Variants in MAPK4 observed in about 807,000 individuals in gnomAD.
MAPK4 encodes the protein mitogen-activated protein kinase 4.
A neutral mutation model predicts 47.7 loss-of-function variants in MAPK4; 22 were observed. The ratio of observed to expected loss-of-function variants is 0.46; its 90% CI spans 0.33 to 0.66. MAPK4 has a LOEUF of 0.66. Among genes scored for constraint, MAPK4 ranks in the 30% least tolerant of loss-of-function variants. The pLI is 0.02. For synonymous variants in MAPK4, 390 were observed against 365.7 expected, an observed-to-expected ratio of 1.07 and a Z score of -0.76; for missense variants, 736 against 831.7, an observed-to-expected ratio of 0.88 and a Z score of 1.42.
At chr18:50,596,907 C>CTGT (rs2042486886) in intron 1 of MAPK4, among the ~76,000 whole-genome samples, 1 of 152,222 alleles carries the variant, frequency 6.6e-6, no homozygotes, top group Non-Finnish European at 1.5e-5. Flanking sequence ...GCACTCATTA[C>CTGT]TGTTTCAAGT....
intron 2 of MAPK4, among the ~76,000 whole-genome samples, chr18:50,683,810 G>C (rs566241431): frequency 6.6e-6 from 1 of 152,288 alleles, no homozygotes; most frequent in Admixed American, 6.5e-5. Context: ...AACACAGCTG[G>C]ATGTAGGGTG....
rs59462636 is a variant in MAPK4, at chr18:50,658,937, C to A, written c.-870-4152C>A. ...GAGCTAGAGGATGTTCCCACGGAGTCTAGAGCAGAGGTCCACGAACTACAG... is the reference window on the plus strand; with the variant it reads ...GAGCTAGAGGATGTTCCCACGGAGTATAGAGCAGAGGTCCACGAACTACAG... On this transcript the variant is annotated intron_variant, in intron 1 of 5. Coordinates refer to ENST00000400384, the MANE Select transcript of MAPK4 (RefSeq NM_002747.4). Among the ~76,000 whole-genome samples the A allele has an allele frequency of 4.0e-3, 614 of 152,340 alleles. 8 individuals carry two copies. The South Asian group carries it at 0.042, about 10-fold the overall frequency.
In MAPK4 at chr18:50,731,134, T is replaced by C. The variant is rs564749980; in HGVS notation, c.*1280T>C. Reference sequence around the variant, plus strand: ...GGCTCTTAGGGGTCAGGCACCAGCATGGAGACCTCATGACAAAGGAAGGGA... The same window carrying C: ...GGCTCTTAGGGGTCAGGCACCAGCACGGAGACCTCATGACAAAGGAAGGGA... On this transcript the variant is annotated 3_prime_UTR_variant, in exon 6 of 6. Transcript: ENST00000400384. The C allele has an allele frequency of 6.6e-6, 1 of 152,532 alleles. No homozygotes were observed. Among genetic ancestry groups the C allele is most frequent in the East Asian group, 1.9e-4 (1 of 5,186 alleles). 9.4% of individuals were successfully genotyped at this position (152,532 alleles called of 1,614,324 possible). A position where few individuals can be genotyped will look rare whatever the true frequency, so the allele number is the denominator to read the frequency against.
At chr18:50,572,289 A>C (rs1268672393) in intron 1 of MAPK4, among the ~76,000 whole-genome samples, 1 of 152,186 alleles carries the variant, frequency 6.6e-6, no homozygotes. Flanking sequence ...GAATATATCT[A>C]GTAAGTAGTT....
At chr18:50,627,710 G>C (rs567221954) in intron 1 of MAPK4, among the ~76,000 whole-genome samples, 1 of 152,314 alleles carries the variant, frequency 6.6e-6, no homozygotes, top group East Asian at 1.9e-4. Context: ...CAGGACTTGA[G>C]ACAGATCCCT....
intron 1 of MAPK4, among the ~76,000 whole-genome samples, chr18:50,565,825 A>C (rs139361960): frequency 7.9e-5 from 12 of 152,348 alleles, no homozygotes; most frequent in Middle Eastern, 6.8e-3. Flanking sequence ...TATGTAGGCT[A>C]TTCCATCTAG....
At chr18:50,614,431 A>G (rs1266250455) in intron 1 of MAPK4, among the ~76,000 whole-genome samples, 1 of 152,142 alleles carries the variant, frequency 6.6e-6, no homozygotes, top group Admixed American at 6.5e-5. Context: ...CATGAATAAT[A>G]CCAAATTTTA....
intron 2 of MAPK4, among the ~76,000 whole-genome samples, chr18:50,712,549 A>AG (rs1910429667): frequency 6.6e-6 from 1 of 151,404 alleles, no homozygotes; most frequent in Admixed American, 6.6e-5. Flanking sequence ...TTTCATTAAA[A>AG]AAAAAAAAAG....
chr18:50,655,418 G>C (rs1163906636), intron 1 of MAPK4, among the ~76,000 whole-genome samples: 2 of 151,702 alleles, frequency 1.3e-5, no homozygotes, highest in East Asian at 3.9e-4. Flanking sequence ...CAGGCATAGG[G>C]ACTGTAGCCC....
In MAPK4 at chr18:50,615,052, T is replaced by G. The variant is rs555850677; in HGVS notation, c.-870-48037T>G. On this transcript the variant is annotated intron_variant, in intron 1 of 5. Transcript: ENST00000400384. ...CACAGTAGCCTTTTGTTTTGAGGAC[T>G]AGGGCAAGAGATGTGGAGAAATGTT... 5.3e-5 allele frequency among the ~76,000 whole-genome samples: 8 copies of G among 152,302 alleles called. 1 individual carries two copies. In the South Asian group the frequency reaches 1.7e-3, roughly 32 times the overall value.
chr18:50,644,101 G>C (rs1016062492), intron 1 of MAPK4, among the ~76,000 whole-genome samples: 10 of 152,094 alleles, frequency 6.6e-5, no homozygotes, highest in Admixed American at 6.5e-4. Context: ...AGTTGGACTT[G>C]AGTCCAAGAA....
chr18:50,656,078 C>T (rs370807115), intron 1 of MAPK4, among the ~76,000 whole-genome samples: 4 of 152,156 alleles, frequency 2.6e-5, no homozygotes, highest in African/African-American at 9.7e-5. Flanking sequence ...ACCCAGGACC[C>T]CAGACTCAAG....
At chr18:50,693,407 A>G (rs1319270899) in intron 2 of MAPK4, among the ~76,000 whole-genome samples, 2 of 152,176 alleles carry the variant, frequency 1.3e-5, no homozygotes, top group African/African-American at 2.4e-5. Flanking sequence ...GGGACTCAAC[A>G]GGCACACCAA....
intron 1 of MAPK4, among the ~76,000 whole-genome samples, chr18:50,649,756 A>T (rs1399269901): frequency 6.6e-6 from 1 of 152,122 alleles, no homozygotes; most frequent in Non-Finnish European, 1.5e-5. Context: ...GGTGGCTGAG[A>T]TCTTCCCCAG....
chr18:50,620,053 G>C (rs1395237242), intron 1 of MAPK4, among the ~76,000 whole-genome samples: 4 of 152,228 alleles, frequency 2.6e-5, no homozygotes, highest in Non-Finnish European at 5.9e-5. Flanking sequence ...CTTTGCTTCT[G>C]CTGAGGCCTG....
In MAPK4 at chr18:50,729,367, G is replaced by A; in HGVS notation, c.1277G>A (p.Arg426His). 2 of 1,574,908 alleles carry A rather than the reference G, an allele frequency of 1.3e-6. No homozygotes were observed. The highest frequency in any genetic ancestry group is 2.3e-5 in the East Asian group (1 of 43,140). ...MERAFEADYG[R>H]SCDYKVGSPS... ...CGCGCCTTCGAGGCCGACTACGGGC[G>A]CTCCTGCGACTACAAGGTGGGGTCG... The change falls in exon 6 of 6, where the codon CGC (arginine) becomes CAC (histidine). Residue 426 changes from arginine (R) to histidine (H), a missense_variant. Around this residue, in one of 3 missense-constraint regions of MAPK4, gnomAD observed 377 missense variants for 378.6 expected, o/e 1.00. Coordinates refer to ENST00000400384, the MANE Select transcript of MAPK4 (RefSeq NM_002747.4).
At chr18:50,690,264 C>T (rs1308029681) in intron 2 of MAPK4, among the ~76,000 whole-genome samples, 2 of 152,222 alleles carry the variant, frequency 1.3e-5, no homozygotes, top group Admixed American at 1.3e-4. Context: ...GGTAGCTGCA[C>T]TCTGTATTTT....
intron 1 of MAPK4, among the ~76,000 whole-genome samples, chr18:50,588,551 CTTTGTTTGTTTG>C (rs3080800): frequency 4.0e-5 from 6 of 150,720 alleles, no homozygotes; most frequent in Non-Finnish European, 8.9e-5. Context: ...TAGACTCCAT[CTTTGTTTGTTTG>C]TTTGTTTGTT....
chr18:50,617,174 C>A (rs528241010), intron 1 of MAPK4, among the ~76,000 whole-genome samples: 4 of 152,220 alleles, frequency 2.6e-5, no homozygotes, highest in Non-Finnish European at 5.9e-5. Flanking sequence ...TGGATTTTTG[C>A]AGGTTTTCTC....
Sources: gnomAD v4.1 joint callset for allele counts (sites outside exome capture counted in the v4.1 genomes callset) on GRCh38, gnomAD v4.1.1 for gene constraint, gnomAD v4.1.1 regional missense constraint, MANE v1.5 for transcripts, NCBI Gene and HGNC (gene_info 2026-07-23, HGNC 2026-07-21) for gene names.